The following C8orf34 variants were observed in gnomAD, a reference collection of about 807,000 sequenced individuals.
C8orf34 encodes the protein uncharacterized protein C8orf34.
A neutral mutation model predicts 68.3 loss-of-function variants in C8orf34; 65 were observed. The ratio of observed to expected loss-of-function variants is 0.95; its 90% CI spans 0.78 to 1.17. The LOEUF (loss-of-function observed/expected upper bound fraction) is 1.17, where lower values mean the gene tolerates loss of function less well. Ranked by LOEUF, C8orf34 falls within the 50% of genes most tolerant of loss-of-function variation. The probability of loss-of-function intolerance (pLI) is 0.00; values close to 1 mark genes in which losing one functional copy is unlikely to be tolerated. For synonymous variants in C8orf34, 244 were observed against 241.2 expected, an observed-to-expected ratio of 1.01 and a Z score of -0.11; for missense variants, 664 against 655.4, an observed-to-expected ratio of 1.01 and a Z score of -0.14.
At chr8:68,789,900 A>G (rs2129529087) in intron 12 of C8orf34, among the ~76,000 whole-genome samples, 1 of 152,352 alleles carries the variant, frequency 6.6e-6, no homozygotes, top group South Asian at 2.1e-4. Flanking sequence ...ACTCTAAGAA[A>G]GTCCATTCCT....
intron 1 of C8orf34, among the ~76,000 whole-genome samples, chr8:68,418,838 G>T (rs1258391300): frequency 2.0e-5 from 3 of 151,922 alleles, no homozygotes; most frequent in Non-Finnish European, 4.4e-5. Context: ...GTTCAAGATG[G>T]ATTAAAGACT....
At chr8:68,446,263 G>A (rs1156692317) in intron 2 of C8orf34, 66 bp from the exon 3 acceptor site, 1 of 1,360,330 alleles carries the variant, frequency 7.4e-7, no homozygotes, top group Non-Finnish European at 1.0e-6. Flanking sequence ...ATGACTTCGT[G>A]GACTTGGTTT....
intron 7 of C8orf34, among the ~76,000 whole-genome samples, chr8:68,540,333 A>T (rs1815651767): frequency 6.6e-6 from 1 of 150,724 alleles, no homozygotes; most frequent in Non-Finnish European, 1.5e-5. Flanking sequence ...GTATGAACTT[A>T]AAATTTCATA....
At chr8:68,578,094 A>AAGAAGGAAAGGAACGAAGCGAG (rs1816960016) in intron 7 of C8orf34, among the ~76,000 whole-genome samples, 2 of 152,116 alleles carry the variant, frequency 1.3e-5, no homozygotes, top group African/African-American at 4.8e-5. Flanking sequence ...TAAAGGAAGG[A>AAGAAGGAAAGGAACGAAGCGAG]AGAAGGAAAG....
chr8:68,472,468 T>G (rs930299241), intron 4 of C8orf34, among the ~76,000 whole-genome samples: 2 of 152,052 alleles, frequency 1.3e-5, no homozygotes, highest in Non-Finnish European at 2.9e-5. Context: ...AGTCTCCTGG[T>G]TAGTATTCTA....
At chr8:68,707,572 TA>T (rs35700608) in intron 8 of C8orf34, among the ~76,000 whole-genome samples, 51 of 152,160 alleles carry the variant, frequency 3.4e-4, no homozygotes, top group African/African-American at 1.2e-3. Flanking sequence ...TTTTTAGGTT[TA>T]AAAAAAATTT....
intron 12 of C8orf34, among the ~76,000 whole-genome samples, chr8:68,798,891 G>T (rs1824253507): frequency 6.6e-6 from 1 of 152,106 alleles, no homozygotes; most frequent in Non-Finnish European, 1.5e-5. Flanking sequence ...ACCACATAAA[G>T]TATTATTAAG....
chr8:68,430,259 G>A (rs1381932443), intron 1 of C8orf34, among the ~76,000 whole-genome samples: 2 of 152,124 alleles, frequency 1.3e-5, no homozygotes, highest in African/African-American at 4.8e-5. Context: ...TGTGAGGATG[G>A]TGCACCCCGA....
chr8:68,789,480 C>T (rs1347406149), intron 12 of C8orf34, among the ~76,000 whole-genome samples: 1 of 152,110 alleles, frequency 6.6e-6, no homozygotes, highest in African/African-American at 2.4e-5. Flanking sequence ...GAAAACATAG[C>T]CTAATCATGT....
At chr8:68,347,054 A>G (rs570497596) in intron 1 of C8orf34, among the ~76,000 whole-genome samples, 1 of 152,138 alleles carries the variant, frequency 6.6e-6, no homozygotes, top group African/African-American at 2.4e-5. Flanking sequence ...ATATTATTTC[A>G]TCAGCCTATA....
In C8orf34 at chr8:68,740,919, G is replaced by A. The variant is rs117313793; in HGVS notation, c.1404+19482G>A. ...CAGTCCTAAAGAAGAATGAGATCAT[G>A]TCCTTTGTGCAAACATGGATGGAGC... On this transcript the variant is annotated intron_variant, in intron 10 of 13. Coordinates refer to ENST00000518698, the MANE Select transcript of C8orf34 (RefSeq NM_052958.4). 6.5e-4 allele frequency among the ~76,000 whole-genome samples: 99 copies of A among 152,340 alleles called. No individual in the cohort carries two copies. In the East Asian group the frequency reaches 0.019, roughly 29 times the overall value.
chr8:68,482,006 G>A (rs1442029946), intron 4 of C8orf34, among the ~76,000 whole-genome samples: 2 of 152,158 alleles, frequency 1.3e-5, no homozygotes, highest in African/African-American at 4.8e-5. Context: ...GATATGGATT[G>A]GCTGTGTCCT....
intron 7 of C8orf34, among the ~76,000 whole-genome samples, chr8:68,618,557 T>G (rs1254488377): frequency 6.6e-6 from 1 of 151,888 alleles, no homozygotes; most frequent in Non-Finnish European, 1.5e-5. Flanking sequence ...TCTATTTTGC[T>G]CAGGTGGTCT....
At chr8:68,446,659 T>C in intron 3 of C8orf34, 199 bp downstream of exon 3, 1 of 563,096 alleles carries the variant, frequency 1.8e-6, no homozygotes, top group Non-Finnish European at 3.1e-6. Context: ...TTCTCAAACA[T>C]GTGTAATTCA....
At chr8:68,771,083 A>T (rs1296276715) in intron 10 of C8orf34, among the ~76,000 whole-genome samples, 1 of 152,200 alleles carries the variant, frequency 6.6e-6, no homozygotes, top group African/African-American at 2.4e-5. Context: ...ACAATATGAA[A>T]AAGCATTGGA....
rs1811140526 is a variant in C8orf34 at position 68,446,713 on chromosome 8, G to A, written c.607+253G>A. 9 of 454,760 alleles carry A rather than the reference G, an allele frequency of 2.0e-5. No individual in the cohort carries two copies. The South Asian group carries it at 2.2e-4, about 11-fold the overall frequency. 28.2% of individuals were successfully genotyped at this position (454,760 alleles called of 1,614,324 possible). ...TAATATTCCTTGAAGAATATAAACT[G>A]CATGGAGCGGGTCTCTTGTTTCTCA... On this transcript the variant is annotated intron_variant, in intron 3 of 13. Transcript: ENST00000518698.
intron 1 of C8orf34, among the ~76,000 whole-genome samples, chr8:68,421,506 G>A (rs1184599631): frequency 1.3e-5 from 2 of 152,134 alleles, no homozygotes; most frequent in African/African-American, 2.4e-5. Flanking sequence ...TACATCCAGA[G>A]AACATGTAAG....
At chr8:68,781,393 A>C (rs764071252) in intron 11 of C8orf34, among the ~76,000 whole-genome samples, 1 of 152,206 alleles carries the variant, frequency 6.6e-6, no homozygotes, top group African/African-American at 2.4e-5. Context: ...TAGTCCCTGT[A>C]CATTTGCTGT....
chr8:68,815,856 C>T (rs1390204711), intron 12 of C8orf34, 30 bp from the exon 13 acceptor site: 1 of 1,613,458 alleles, frequency 6.2e-7, no homozygotes, highest in Non-Finnish European at 8.5e-7. Flanking sequence ...CCTGGCCTGG[C>T]ATATTATCTC....
Sources: gnomAD v4.1 joint callset for allele counts (sites outside exome capture counted in the v4.1 genomes callset) on GRCh38, gnomAD v4.1.1 for gene constraint, MANE v1.5 for transcripts, NCBI Gene and HGNC (gene_info 2026-07-23, HGNC 2026-07-21) for gene names.